Variants in NFIL3 observed in about 807,000 individuals in gnomAD.
NFIL3 encodes nuclear factor interleukin-3-regulated protein.
Under a neutral mutation model 10.0 loss-of-function variants are expected in NFIL3, and 5 were observed. The observed-to-expected ratio is 0.50, with a 90% CI of 0.26 to 1.06. The LOEUF (loss-of-function observed/expected upper bound fraction) is 1.06, where lower values mean the gene tolerates loss of function less well. Among genes scored for constraint, NFIL3 ranks in the 50% least tolerant of loss-of-function variants. The pLI is 0.13. For synonymous variants in NFIL3, 202 were observed against 206.5 expected (o/e 0.98, Z 0.19); for missense variants, 436 against 547.6 (o/e 0.80, Z 2.03).
At chr9:91,453,857 T>C in the NFIL3 span, among the ~76,000 whole-genome samples, 1 of 152,108 alleles carries the variant, frequency 6.6e-6, no homozygotes, top group Non-Finnish European at 1.5e-5. Flanking sequence ...TCTGGTTTTG[T>C]GTGTCATGTG....
At chr9:91,433,648 T>G in the NFIL3 span, among the ~76,000 whole-genome samples, 1 of 152,196 alleles carries the variant, frequency 6.6e-6, no homozygotes, top group Non-Finnish European at 1.5e-5. Context: ...CAGCACCTGT[T>G]TACCTACTCC....
At chr9:91,430,476 A>T in the NFIL3 span, among the ~76,000 whole-genome samples, 1 of 152,098 alleles carries the variant, frequency 6.6e-6, no homozygotes, top group Admixed American at 6.5e-5. Context: ...GAAGATGAGG[A>T]TGGTGGGTTA....
chr9:91,447,708 A>T, the NFIL3 span, among the ~76,000 whole-genome samples: 1 of 152,168 alleles, frequency 6.6e-6, no homozygotes. Context: ...AGTTCTAAGA[A>T]TTCTTTTTCT....
At chr9:91,430,123 A>G in the NFIL3 span, among the ~76,000 whole-genome samples, 8 of 152,178 alleles carry the variant, frequency 5.3e-5, no homozygotes, top group Non-Finnish European at 1.2e-4. Flanking sequence ...AGTATCATCA[A>G]CCAAATACTT....
At chr9:91,481,856 AATAG>A in the NFIL3 span, among the ~76,000 whole-genome samples, 23 of 152,324 alleles carry the variant, frequency 1.5e-4, no homozygotes, top group Non-Finnish European at 2.4e-4. Flanking sequence ...ATAAAATATT[AATAG>A]ATAGTTTTGA....
the NFIL3 span, among the ~76,000 whole-genome samples, chr9:91,457,161 C>T: frequency 6.6e-6 from 1 of 151,676 alleles, no homozygotes; most frequent in East Asian, 1.9e-4. Context: ...TGCTACTATC[C>T]AAATTTATCA....
chr9:91,452,449 T>G, the NFIL3 span, among the ~76,000 whole-genome samples: 119 of 115,614 alleles, frequency 1.0e-3, 2 homozygotes, highest in South Asian at 0.027. Context: ...CTTACAGGTA[T>G]TGAATGATGT....
the NFIL3 span, among the ~76,000 whole-genome samples, chr9:91,477,595 C>A: frequency 6.6e-6 from 1 of 152,032 alleles, no homozygotes; most frequent in African/African-American, 2.4e-5. Context: ...GATACAAGAT[C>A]AAAATGGAAA....
At chr9:91,471,486 CTTT>C in the NFIL3 span, among the ~76,000 whole-genome samples, 84 of 132,090 alleles carry the variant, frequency 6.4e-4, no homozygotes, top group African/African-American at 2.0e-3. Flanking sequence ...CAGTCTGTGT[CTTT>C]TTTTTTTTTT....
chr9:91,429,601 G>A, the NFIL3 span, among the ~76,000 whole-genome samples: 3 of 151,824 alleles, frequency 2.0e-5, no homozygotes, highest in African/African-American at 2.4e-5. Flanking sequence ...AATGCTCTCC[G>A]TTTGGTAAAT....
chr9:91,443,149 G>C, the NFIL3 span, among the ~76,000 whole-genome samples: 1 of 152,198 alleles, frequency 6.6e-6, no homozygotes, highest in Admixed American at 6.5e-5. Context: ...TCCATAGGCA[G>C]GTCATCCTGA....
the NFIL3 span, among the ~76,000 whole-genome samples, chr9:91,466,166 A>T: frequency 6.6e-6 from 1 of 152,314 alleles, no homozygotes; most frequent in South Asian, 2.1e-4. Flanking sequence ...GGTAAGGAAG[A>T]GTGTGTTTGG....
chr9:91,477,049 A>G, the NFIL3 span, among the ~76,000 whole-genome samples: 1 of 152,204 alleles, frequency 6.6e-6, no homozygotes, highest in Non-Finnish European at 1.5e-5. Context: ...TTAGTGCCTT[A>G]AGACAATTCC....
chr9:91,435,699 T>C, the NFIL3 span, among the ~76,000 whole-genome samples: 2 of 152,222 alleles, frequency 1.3e-5, no homozygotes, highest in Admixed American at 1.3e-4. Context: ...ACTACCATTC[T>C]ATTCTGTGAC....
chr9:91,443,713 G>A, the NFIL3 span, among the ~76,000 whole-genome samples: 1 of 152,158 alleles, frequency 6.6e-6, no homozygotes, highest in Non-Finnish European at 1.5e-5. Context: ...GCTGTGGTTG[G>A]GTGGCTGCAG....
At chr9:91,418,705 C>T (rs1833703795) in intron 1 of NFIL3, among the ~76,000 whole-genome samples, 1 of 151,952 alleles carries the variant, frequency 6.6e-6, no homozygotes, top group African/African-American at 2.4e-5. Flanking sequence ...AACTAAAAGG[C>T]TTATAAACAT....
At chr9:91,430,518 T>G in the NFIL3 span, among the ~76,000 whole-genome samples, 1 of 152,158 alleles carries the variant, frequency 6.6e-6, no homozygotes, top group Non-Finnish European at 1.5e-5. Flanking sequence ...CGCGGTGTGG[T>G]AACTGTCACT....
chr9:91,458,493 C>T, the NFIL3 span, among the ~76,000 whole-genome samples: 12 of 152,108 alleles, frequency 7.9e-5, no homozygotes, highest in East Asian at 2.3e-3. Context: ...TGTCACCTCT[C>T]TCCTTCTTGA....
chr9:91,460,918 C>T, the NFIL3 span, among the ~76,000 whole-genome samples: 2 of 152,160 alleles, frequency 1.3e-5, no homozygotes, highest in Admixed American at 6.5e-5. Flanking sequence ...AGCATATAGG[C>T]AATATAGAAA....
Sources: gnomAD v4.1 joint callset for allele counts (sites outside exome capture counted in the v4.1 genomes callset) on GRCh38, gnomAD v4.1.1 for gene constraint, MANE v1.5 for transcripts, NCBI Gene and HGNC (gene_info 2026-07-23, HGNC 2026-07-21) for gene names.